SNX29: variants seen among roughly 807,000 people sequenced by gnomAD.
The protein encoded by SNX29 is sorting nexin 29.
A neutral mutation model predicts 102.1 loss-of-function variants in SNX29; 78 were observed. The observed-to-expected ratio is 0.76, with a 90% confidence interval of 0.64 to 0.92. The LOEUF is 0.92. Among genes scored for constraint, SNX29 ranks in the 40% least tolerant of loss-of-function variants. SNX29 has a pLI of 0.00. For synonymous variants in SNX29, 580 were observed against 414.5 expected, an observed-to-expected ratio of 1.40 and a Z score of -4.85; for missense variants, 1,280 against 1,061.7, an observed-to-expected ratio of 1.21 and a Z score of -2.86.
At chr16:12,209,401 A>T (rs1330799908) in intron 14 of SNX29, among the ~76,000 whole-genome samples, 2 of 152,000 alleles carry the variant, frequency 1.3e-5, no homozygotes, top group Admixed American at 6.6e-5. Flanking sequence ...TGTTGGCCAG[A>T]CTGGTTTCAA....
chr16:12,322,221 G>A (rs1004780553), intron 15 of SNX29, among the ~76,000 whole-genome samples: 2 of 152,162 alleles, frequency 1.3e-5, no homozygotes, highest in Non-Finnish European at 2.9e-5. Context: ...ATGGGAGTGG[G>A]GAGAACTCCC....
rs1162924787 is a variant in SNX29 at position 12,292,545 on chromosome 16, GTCAGTGGTGC to G, written c.1782+14511_1782+14520del. On this transcript the variant is annotated intron_variant, in intron 15 of 20. Transcript: ENST00000566228. The stretch of plus-strand genomic sequence containing the variant: ...ATTGAGGAAGATAGAGTTTTGTCAG[GTCAGTGGTGC>G]TGAGAGGCTTCTGTTTCTTAAAGGT... Among the ~76,000 whole-genome samples the G allele has an allele frequency of 8.5e-5, 13 of 152,282 alleles. No individual in the cohort carries two copies. The East Asian group carries it at 2.3e-3, about 27-fold the overall frequency.
intron 1 of SNX29, among the ~76,000 whole-genome samples, chr16:11,998,839 A>T (rs1321608910): frequency 6.6e-6 from 1 of 152,024 alleles, no homozygotes; most frequent in Non-Finnish European, 1.5e-5. Context: ...GATGTTGGAG[A>T]TGATAGTGAG....
intron 13 of SNX29, among the ~76,000 whole-genome samples, chr16:12,152,147 C>G (rs59506769): frequency 0.21 from 31,677 of 151,772 alleles, 3,463 homozygotes; most frequent in Middle Eastern, 0.25. Context: ...CTTGGGCCCG[C>G]GAGGTGAAGG....
intron 16 of SNX29, among the ~76,000 whole-genome samples, chr16:12,387,811 A>G (rs1213773060): frequency 6.6e-6 from 1 of 152,112 alleles, no homozygotes; most frequent in Non-Finnish European, 1.5e-5. Context: ...TCATGAGAAC[A>G]TTCTTCCCCT....
intron 3 of SNX29, among the ~76,000 whole-genome samples, chr16:12,024,599 A>G (rs1311184029): frequency 6.6e-6 from 1 of 152,214 alleles, no homozygotes; most frequent in Non-Finnish European, 1.5e-5. Context: ...GTATTCGTGC[A>G]GTGTTAGGTT....
At chr16:12,371,412 T>G (rs1400609351) in intron 16 of SNX29, among the ~76,000 whole-genome samples, 1 of 152,140 alleles carries the variant, frequency 6.6e-6, no homozygotes. Context: ...ATCCTTGCAC[T>G]TCAGGCTCCG....
chr16:12,042,472 C>G (rs1233045739), intron 4 of SNX29, among the ~76,000 whole-genome samples: 1 of 152,156 alleles, frequency 6.6e-6, no homozygotes, highest in Admixed American at 6.6e-5. Context: ...CGTCTGTGCT[C>G]TCCTCCCTCT....
At chr16:12,337,671 C>A (rs142678344) in intron 15 of SNX29, among the ~76,000 whole-genome samples, 1 of 152,142 alleles carries the variant, frequency 6.6e-6, no homozygotes, top group Non-Finnish European at 1.5e-5. Flanking sequence ...AGAATACTTG[C>A]AAACATGTGA....
At chr16:12,191,278 C>T (rs375114448) in intron 13 of SNX29, among the ~76,000 whole-genome samples, 2 of 152,144 alleles carry the variant, frequency 1.3e-5, no homozygotes, top group African/African-American at 2.4e-5. Context: ...TCCTGCTGTG[C>T]GGCTTGGTTC....
chr16:12,558,069 C>T (rs2078482888), intron 20 of SNX29, among the ~76,000 whole-genome samples: 1 of 152,320 alleles, frequency 6.6e-6, no homozygotes, highest in South Asian at 2.1e-4. Context: ...CATGATTGTG[C>T]TCTGAACATC....
chr16:12,180,686 C>T (rs888096786), intron 13 of SNX29, among the ~76,000 whole-genome samples: 5 of 152,146 alleles, frequency 3.3e-5, no homozygotes, highest in Non-Finnish European at 5.9e-5. Flanking sequence ...GGGGTTTCAC[C>T]GTGTAAGCCA....
At chr16:12,006,516 GAAAAAAA>G (rs758929005) in intron 3 of SNX29, among the ~76,000 whole-genome samples, 40 of 54,376 alleles carry the variant, frequency 7.4e-4, no homozygotes, top group African/African-American at 2.4e-3. Flanking sequence ...TACTGTCTCA[GAAAAAAA>G]AAAAAAAAAA....
At chr16:12,546,135 A>G (rs1439223104) in intron 20 of SNX29, 5 of 152,178 alleles carry the variant, frequency 3.3e-5, no homozygotes, top group African/African-American at 1.2e-4. Flanking sequence ...TCCACAAAAC[A>G]GAGCTAATAA....
intron 13 of SNX29, among the ~76,000 whole-genome samples, chr16:12,144,062 G>C (rs903308308): frequency 1.3e-5 from 2 of 152,170 alleles, no homozygotes; most frequent in African/African-American, 4.8e-5. Context: ...GTCTGGAGTG[G>C]GGCCTGCTAT....
At chr16:12,121,842 A>G (rs2053986615) in intron 11 of SNX29, among the ~76,000 whole-genome samples, 1 of 152,124 alleles carries the variant, frequency 6.6e-6, no homozygotes, top group African/African-American at 2.4e-5. Flanking sequence ...CTCTGTTGCC[A>G]GGCTGGAATG....
At chr16:12,461,978 A>AAAAAAAAATATAT (rs1555544501) in intron 18 of SNX29, among the ~76,000 whole-genome samples, 1 of 27,354 alleles carries the variant, frequency 3.7e-5, no homozygotes, top group African/African-American at 1.4e-4. Flanking sequence ...AAAAAAAAAA[A>AAAAAAAAATATAT]ATATATATAT....
At chr16:12,487,246 C>T (rs1423550410) in intron 19 of SNX29, among the ~76,000 whole-genome samples, 1 of 152,122 alleles carries the variant, frequency 6.6e-6, no homozygotes, top group Non-Finnish European at 1.5e-5. Context: ...CACACACGTG[C>T]GTTCTCATCC....
chr16:12,426,120 T>C (rs563917187), intron 18 of SNX29, among the ~76,000 whole-genome samples: 77 of 152,342 alleles, frequency 5.1e-4, no homozygotes, highest in African/African-American at 1.8e-3. Context: ...ACTGTTTTAA[T>C]ACTTTGGTAT....
Sources: gnomAD v4.1 joint callset for allele counts (sites outside exome capture counted in the v4.1 genomes callset) on GRCh38, gnomAD v4.1.1 for gene constraint, MANE v1.5 for transcripts, NCBI Gene and HGNC (gene_info 2026-07-23, HGNC 2026-07-21) for gene names.